The following SIRPB1 variants were observed in gnomAD, a reference collection of about 807,000 sequenced individuals.
The protein encoded by SIRPB1 is signal regulatory protein beta 1.
In SIRPB1, 28 loss-of-function variants were observed where a neutral mutation model predicts 34.1. That is an observed-to-expected ratio of 0.82 (90% CI 0.61 to 1.12). The LOEUF (loss-of-function observed/expected upper bound fraction) is 1.12, where lower values mean the gene tolerates loss of function less well. SIRPB1 is among the 50% of genes most tolerant of loss of function. SIRPB1 has a pLI of 0.00. For synonymous variants in SIRPB1, 211 were observed against 203.8 expected (o/e 1.04, Z -0.30); for missense variants, 499 against 507.0 (o/e 0.98, Z 0.15).
At chr20:1,570,680 T>TTCTAC (rs2091217448) in intron 4 of SIRPB1, 125 bp downstream of exon 4, 1 of 846,038 alleles carries the variant, frequency 1.2e-6, no homozygotes, top group East Asian at 2.5e-5. Context: ...GAGTGTAGGA[T>TTCTAC]TTTAATGTAG....
chr20:1,570,457 T>A, intron 4 of SIRPB1: 2 of 194,716 alleles, frequency 1.0e-5, no homozygotes, highest in South Asian at 2.1e-4. Flanking sequence ...GGTGCTGTGC[T>A]GGCGAGAAAT....
chr20:1,616,308 C>G (rs1395914983), intron 1 of SIRPB1, among the ~76,000 whole-genome samples: 3 of 152,174 alleles, frequency 2.0e-5, no homozygotes, highest in African/African-American at 7.2e-5. Context: ...TGATTTCAAA[C>G]TTGACTACCG....
In SIRPB1 at chr20:1,602,729, G is replaced by A. The variant is rs1245390934; in HGVS notation, c.76+17140C>T. Among the ~76,000 whole-genome samples the A allele has an allele frequency of 1.0e-4, 5 of 49,324 alleles. 2 individuals are homozygous for A. The highest frequency in any genetic ancestry group is 2.7e-4 in the Admixed American group (2 of 7,386). The allele number at this position is 49,324 out of a possible 152,430, so 32.4% of individuals were successfully genotyped here. A position where few individuals can be genotyped will look rare whatever the true frequency, so the allele number is the denominator to read the frequency against. On this transcript the variant is annotated intron_variant, in intron 1 of 5. Transcript: ENST00000381605. ...GGACTCCTCTTGCAACTGCGTGGGC[G>A]CATAACTGGGTGAGCAGTGGATGTG... is the stretch of plus-strand genomic sequence containing the variant.
chr20:1,565,337 T>G lies in SIRPB1; in HGVS notation c.*163A>C, dbSNP rs2091113089. 1 of 287,680 alleles carries G rather than the reference T, an allele frequency of 3.5e-6. No individual in the cohort carries two copies. Among genetic ancestry groups the G allele is most frequent in the South Asian group, 1.7e-4 (1 of 6,012 alleles). 17.8% of individuals were successfully genotyped at this position (287,680 alleles called of 1,614,324 possible). A position where few individuals can be genotyped will look rare whatever the true frequency, so the allele number is the denominator to read the frequency against. On this transcript the variant is annotated 3_prime_UTR_variant, in exon 6 of 6. Transcript: ENST00000381605. ...CAGGACCGTGAATAGAGACACTGCT[T>G]TGGGGCATCATGGTCTTGTGAAGGT...
Position 1,571,915 on chromosome 20 carries a change from T to A in SIRPB1, c.556A>T (p.Asn186Tyr). 6.2e-7 allele frequency: 1 copy of A among 1,614,146 alleles called. No individual in the cohort carries two copies. The highest frequency in any genetic ancestry group is 8.5e-7 in the Non-Finnish European group (1 of 1,180,032). The change falls in exon 3 of 6, where the codon AAT (asparagine) becomes TAT (tyrosine). Residue 186 changes from asparagine (N) to tyrosine (Y), a missense_variant. Asn to Tyr is a moderately radical substitution (Grantham distance 143). Coordinates refer to ENST00000381605, the MANE Select transcript of SIRPB1 (RefSeq NM_006065.5). The stretch of plus-strand genomic sequence containing the variant: ...TGGAAGTCTGAGAGCTCATTCCCAT[T>A]TTTGAACCATTTCAGGGTGATGTCT... ...PRDITLKWFK[N>Y]GNELSDFQTN...
chr20:1,565,070 G>A lies in SIRPB1; in HGVS notation c.*430C>T. The stretch of plus-strand genomic sequence containing the variant: ...GAGAATCATTTTTTTCTTAAAATTG[G>A]TATAGGGGTTCATGTGTATTCAGGA... On this transcript the variant is annotated 3_prime_UTR_variant, in exon 6 of 6. Transcript: ENST00000381605. 2.5e-6 allele frequency: 1 copy of A among 398,556 alleles called. No individual in the cohort carries two copies. Among genetic ancestry groups the A allele is most frequent in the Admixed American group, 4.4e-5 (1 of 22,722 alleles). The allele number at this position is 398,556 out of a possible 1,614,324, so 24.7% of individuals were successfully genotyped here. A position where few individuals can be genotyped will look rare whatever the true frequency, so the allele number is the denominator to read the frequency against.
chr20:1,571,154 C>A lies in SIRPB1; in HGVS notation c.752-17G>T, dbSNP rs765132538. On this transcript the variant is annotated splice_polypyrimidine_tract_variant and intron_variant, in intron 3 of 5. Coordinates refer to ENST00000381605, the MANE Select transcript of SIRPB1 (RefSeq NM_006065.5). ...TGGGTGGAACTGAAACAGCACAGGG[C>A]AGAAGCTCTGATCTTGTGGCACAGA... 3 of 1,604,156 alleles carry A rather than the reference C, an allele frequency of 1.9e-6. No homozygotes were observed. The highest frequency in any genetic ancestry group is 3.4e-5 in the Admixed American group (2 of 59,474).
Position 1,571,002 on chromosome 20 carries a change from T to C in SIRPB1, c.887A>G (p.Glu296Gly). Residue 296 changes from glutamate (E) to glycine (G), a missense_variant, in exon 4 of 6, where the codon GAA becomes GGA. Coordinates refer to ENST00000381605, the MANE Select transcript of SIRPB1 (RefSeq NM_006065.5). ...GTTCTCTATGAGGGTCGAAGCTGTTTCTGTCCGGGACACATTTCCATTCTC... is the reference window on the plus strand; with the variant it reads ...GTTCTCTATGAGGGTCGAAGCTGTTCCTGTCCGGGACACATTTCCATTCTC... ...WLENGNVSRT[E>G]TASTLIENKD... The C allele has an allele frequency of 1.2e-6, 2 of 1,614,212 alleles. No homozygotes were observed. Among genetic ancestry groups the C allele is most frequent in the Non-Finnish European group, 1.7e-6 (2 of 1,180,016 alleles).
intron 1 of SIRPB1, among the ~76,000 whole-genome samples, chr20:1,617,763 A>T (rs769174948): frequency 6.6e-6 from 1 of 152,220 alleles, no homozygotes; most frequent in Non-Finnish European, 1.5e-5. Flanking sequence ...CAATGTACAC[A>T]TATTTCATTA....
intron 4 of SIRPB1, among the ~76,000 whole-genome samples, chr20:1,567,433 C>T (rs1254547600): frequency 1.3e-5 from 2 of 152,222 alleles, no homozygotes; most frequent in African/African-American, 4.8e-5. Flanking sequence ...CCTCCTCCTA[C>T]ACTCCTGCCT....
intron 2 of SIRPB1, 74 bp from the exon 3 acceptor site, chr20:1,572,111 A>G: frequency 1.2e-6 from 2 of 1,604,244 alleles, no homozygotes; most frequent in Non-Finnish European, 1.7e-6. Context: ...TTGACATGTT[A>G]AGAACCTTCT....
rs1453813523 is a variant in SIRPB1 at position 1,612,249 on chromosome 20, C to T, written c.76+7620G>A. On this transcript the variant is annotated intron_variant, in intron 1 of 5. Transcript: ENST00000381605. Reference sequence around the variant, plus strand: ...GGCTCAAGCAATGCATCTGCCTTGGCCTTCCAAACTGCTGGGATTACAGAC... The same window carrying T: ...GGCTCAAGCAATGCATCTGCCTTGGTCTTCCAAACTGCTGGGATTACAGAC... 2.8e-5 allele frequency among the ~76,000 whole-genome samples: 2 copies of T among 72,484 alleles called. 1 individual carries two copies. The highest frequency in any genetic ancestry group is 5.2e-5 in the Non-Finnish European group (2 of 38,684). The allele number at this position is 72,484 out of a possible 152,430, so 47.6% of individuals were successfully genotyped here.
intron 3 of SIRPB1, 131 bp from the exon 4 acceptor site, chr20:1,571,268 G>C (rs2091232297): frequency 1.1e-6 from 1 of 938,364 alleles, no homozygotes; most frequent in African/African-American, 1.7e-5. Flanking sequence ...CAGGTGCTCA[G>C]ACATTGAGGG....
In SIRPB1 at chr20:1,563,148, T is replaced by C. The variant is rs1279634814; in HGVS notation, c.*2352A>G. On this transcript the variant is annotated 3_prime_UTR_variant, in exon 6 of 6. Coordinates refer to ENST00000381605, the MANE Select transcript of SIRPB1 (RefSeq NM_006065.5). ...ATTGAAAATTCAAGGGATAAGATGT[T>C]GGAAGCTAGTCCAAACTTAGAAAGA... Among the ~76,000 whole-genome samples the C allele has an allele frequency of 6.6e-6, 1 of 152,196 alleles. No homozygotes were observed. The highest frequency in any genetic ancestry group is 1.5e-5 in the Non-Finnish European group (1 of 68,032).
chr20:1,570,993 G>C lies in SIRPB1; in HGVS notation c.896C>G (p.Ser299Trp). The C allele has an allele frequency of 6.2e-7, 1 of 1,614,152 alleles. No individual in the cohort carries two copies. Among genetic ancestry groups the C allele is most frequent in the Non-Finnish European group, 8.5e-7 (1 of 1,180,016 alleles). ...GCCATCCTTGTTCTCTATGAGGGTC[G>C]AAGCTGTTTCTGTCCGGGACACATT... ...NGNVSRTETA[S>W]TLIENKDGTY... is the part of the protein sequence containing the mutation. The change falls in exon 4 of 6, where the codon TCG (serine) becomes TGG (tryptophan). Residue 299 changes from serine (S) to tryptophan (W), a missense_variant. Ser to Trp is a radical substitution (Grantham distance 177). Transcript: ENST00000381605.
chr20:1,618,103 A>G (rs1480510493), intron 1 of SIRPB1, among the ~76,000 whole-genome samples: 1 of 152,218 alleles, frequency 6.6e-6, no homozygotes, highest in East Asian at 1.9e-4. Flanking sequence ...TTTGTGTATT[A>G]AATAAAATTA....
intron 1 of SIRPB1, among the ~76,000 whole-genome samples, chr20:1,616,029 C>T (rs1245608141): frequency 6.6e-6 from 1 of 151,920 alleles, no homozygotes; most frequent in Non-Finnish European, 1.5e-5. Context: ...ACATGAAAGA[C>T]CTCCACAAAA....
At position 1,612,962 on chromosome 20, in the gene SIRPB1, T is replaced by A. The variant is rs112301195; in HGVS notation, c.76+6907A>T. On this transcript the variant is annotated intron_variant, in intron 1 of 5. Transcript: ENST00000381605. The stretch of plus-strand genomic sequence containing the variant: ...TAAGTCTGACGAAGAAGTCCAGAGA[T>A]TGAATGTGCAATCTGAGGATTCTAG... Among the ~76,000 whole-genome samples the A allele has an allele frequency of 2.8e-5, 2 of 71,786 alleles. 1 individual carries two copies. Among genetic ancestry groups the A allele is most frequent in the Admixed American group, 2.3e-4 (2 of 8,874 alleles). The allele number at this position is 71,786 out of a possible 152,430, so 47.1% of individuals were successfully genotyped here. A position where few individuals can be genotyped will look rare whatever the true frequency, so the allele number is the denominator to read the frequency against.
At position 1,565,196 on chromosome 20, in the gene SIRPB1, C is replaced by A. The variant is rs1359146291; in HGVS notation, c.*304G>T. Reference sequence around the variant, plus strand: ...CCTGGAGAGAGTCTGTGGTTTATGGCCAGTCCCAAGGCGACGGATGGGAGA... The same window carrying A: ...CCTGGAGAGAGTCTGTGGTTTATGGACAGTCCCAAGGCGACGGATGGGAGA... On this transcript the variant is annotated 3_prime_UTR_variant, in exon 6 of 6. Transcript: ENST00000381605. The A allele has an allele frequency of 1.0e-5, 4 of 396,368 alleles. No individual in the cohort carries two copies. Among genetic ancestry groups the A allele is most frequent in the Non-Finnish European group, 1.8e-5 (4 of 225,398 alleles). 24.6% of individuals were successfully genotyped at this position (396,368 alleles called of 1,614,324 possible). A position where few individuals can be genotyped will look rare whatever the true frequency, so the allele number is the denominator to read the frequency against.
Sources: allele counts gnomAD v4.1 joint callset (sites outside exome capture counted in the v4.1 genomes callset), GRCh38; gene constraint gnomAD v4.1.1; transcripts MANE v1.5; gene names NCBI Gene and HGNC (gene_info 2026-07-23, HGNC 2026-07-21).